The following SPATA20 variants were observed in gnomAD, a reference collection of about 807,000 sequenced individuals.
SPATA20 encodes spermatogenesis associated 20.
A neutral mutation model predicts 98.9 loss-of-function variants in SPATA20; 74 were observed. The observed-to-expected ratio is 0.75, with a 90% CI of 0.62 to 0.91. SPATA20 has a LOEUF of 0.91. Among genes scored for constraint, SPATA20 ranks in the 40% least tolerant of loss-of-function variants. SPATA20 has a pLI of 0.00. For missense variants in SPATA20, 1,016 were observed against 1,069.8 expected, an observed-to-expected ratio of 0.95 and a Z score of 0.70; for synonymous variants, 430 against 440.5, an observed-to-expected ratio of 0.98 and a Z score of 0.30.
Position 50,548,344 on chromosome 17 carries a change from G to C in SPATA20, c.187G>C (p.Ala63Pro), listed in dbSNP as rs774785522. 1.2e-6 allele frequency: 2 copies of C among 1,613,268 alleles called. No homozygotes were observed. The highest frequency in any genetic ancestry group is 1.7e-6 in the Non-Finnish European group (2 of 1,179,754). The change falls in exon 3 of 17, where the codon GCT (alanine) becomes CCT (proline). Residue 63 changes from alanine to proline, a missense_variant. Ala to Pro is a conservative substitution (Grantham distance 27). Coordinates refer to ENST00000006658, the MANE Select transcript of SPATA20 (RefSeq NM_022827.4). The part of the protein sequence containing the change: ...ATVSSSVPMP[A>P]GGKGSHPSST... ...GGTCAGTAGTTCAGTGCCCATGCCT[G>C]CTGGAGGGAAAGGAAGCCATCCTTC...
chr17:50,549,088 C>G lies in SPATA20; in HGVS notation c.562C>G (p.Pro188Ala). The G allele has an allele frequency of 6.2e-7, 1 of 1,613,644 alleles. No individual in the cohort carries two copies. The highest frequency in any genetic ancestry group is 8.5e-7 in the Non-Finnish European group (1 of 1,179,970). The change falls in exon 6 of 17, where the codon CCC (proline) becomes GCC (alanine). Residue 188 changes from proline to alanine, a missense_variant. Pro to Ala is a conservative substitution (Grantham distance 27). Transcript: ENST00000006658. The stretch of plus-strand genomic sequence containing the variant: ...CTGGCCCATGAATGTGTGGCTGACT[C>G]CCAACCTCCAGCCCTTTGTCGGGGG... The part of the protein sequence containing the change: ...GGWPMNVWLT[P>A]NLQPFVGGTY...
chr17:50,547,641 C>G lies in SPATA20; in HGVS notation c.78-79C>G, dbSNP rs1272093641. On this transcript the variant is annotated intron_variant, in intron 1 of 16. Coordinates refer to ENST00000006658, the MANE Select transcript of SPATA20 (RefSeq NM_022827.4). Reference sequence around the variant, plus strand: ...TGTGCCCTGTCACAGTCCTTTATTGCTGCATGGACCTTTCGTTATTTAGGT... The same window carrying G: ...TGTGCCCTGTCACAGTCCTTTATTGGTGCATGGACCTTTCGTTATTTAGGT... The G allele has an allele frequency of 3.9e-6, 3 of 776,696 alleles. No individual in the cohort carries two copies. The African/African-American group carries it at 5.1e-5, about 13-fold the overall frequency. 48.1% of individuals were successfully genotyped at this position (776,696 alleles called of 1,614,324 possible).
rs759228308 is a variant in SPATA20 at position 50,555,216 on chromosome 17, T to C, written c.2158-16T>C. 3 of 1,612,450 alleles carry C rather than the reference T, an allele frequency of 1.9e-6. No homozygotes were observed. The highest frequency in any genetic ancestry group is 1.7e-6 in the Non-Finnish European group (2 of 1,178,634). On this transcript the variant is annotated splice_polypyrimidine_tract_variant and intron_variant, in intron 15 of 16. Coordinates refer to ENST00000006658, the MANE Select transcript of SPATA20 (RefSeq NM_022827.4). Reference sequence around the variant, plus strand: ...CCTCCCCTGACACACCGGAGTGACCTTTCTATTCCGGTCAGATCGTGATCT... The same window carrying C: ...CCTCCCCTGACACACCGGAGTGACCCTTCTATTCCGGTCAGATCGTGATCT...
rs780703307 is a variant in SPATA20, at chr17:50,549,350, G to C, written c.725G>C (p.Arg242Pro). The change falls in exon 7 of 17, where the codon CGA becomes CCA. Residue 242 changes from arginine (R) to proline (P), a missense_variant. By Grantham distance (103) the Arg-to-Pro change is moderately radical. Coordinates refer to ENST00000006658, the MANE Select transcript of SPATA20 (RefSeq NM_022827.4). Reference sequence around the variant, plus strand: ...CGTGTCACCACTGCCCTGCTGGCCCGATCAGAGATCAGCGTGGGTGACCGC... The same window carrying C: ...CGTGTCACCACTGCCCTGCTGGCCCCATCAGAGATCAGCGTGGGTGACCGC... ...SQRVTTALLA[R>P]SEISVGDRQL... 2 of 1,612,490 alleles carry C rather than the reference G, an allele frequency of 1.2e-6. No individual in the cohort carries two copies. Among genetic ancestry groups the C allele is most frequent in the Middle Eastern group, 1.6e-4 (1 of 6,062 alleles).
chr17:50,551,203 A>G lies in SPATA20; in HGVS notation c.1576+13A>G, dbSNP rs748285145. Reference sequence around the variant, plus strand: ...GCTGCCTGGAATGGTGGGGCAGCACACCTGAGACCGAGCCTGTCTGTAGGA... The same window carrying G: ...GCTGCCTGGAATGGTGGGGCAGCACGCCTGAGACCGAGCCTGTCTGTAGGA... On this transcript the variant is annotated intron_variant, in intron 12 of 16. Coordinates refer to ENST00000006658, the MANE Select transcript of SPATA20 (RefSeq NM_022827.4). 3.1e-6 allele frequency: 5 copies of G among 1,598,118 alleles called. No individual in the cohort carries two copies. Among genetic ancestry groups the G allele is most frequent in the Non-Finnish European group, 4.3e-6 (5 of 1,172,078 alleles).
rs1290532736 is a variant in SPATA20 at position 50,551,007 on chromosome 17, G to T, written c.1393G>T (p.Gly465Trp). The T allele has an allele frequency of 1.2e-6, 2 of 1,613,316 alleles. No individual in the cohort carries two copies. The highest frequency in any genetic ancestry group is 1.7e-6 in the Non-Finnish European group (2 of 1,179,980). Residue 465 changes from glycine to tryptophan, a missense_variant, in exon 12 of 17, where the codon GGG (glycine) becomes TGG (tryptophan). Physicochemically the swap from Gly to Trp is radical, Grantham distance 184. Coordinates refer to ENST00000006658, the MANE Select transcript of SPATA20 (RefSeq NM_022827.4). Reference sequence around the variant, plus strand: ...AGGCCATTCTCCTCAGGACCCCAAGGGGGAGCTGCAGGGCCAGAATGTGCT... The same window carrying T: ...AGGCCATTCTCCTCAGGACCCCAAGTGGGAGCTGCAGGGCCAGAATGTGCT... ...GNISPSQDPK[G>W]ELQGQNVLTV...
At position 50,551,548 on chromosome 17, in the gene SPATA20, C is replaced by T; in HGVS notation, c.1614C>T (p.Val538=). Residue 538 remains valine (V), a synonymous_variant, in exon 13 of 17, where the codon GTC becomes GTT. Transcript: ENST00000006658. ...CAGGCTATGCTGTGACTGGGGCTGT[C>T]CTGGGCCAAGACAGGCTGATCAACT... ...MVSGYAVTGA[V]LGQDRLINYA... 1.2e-6 allele frequency: 2 copies of T among 1,603,274 alleles called. No individual in the cohort carries two copies. Among genetic ancestry groups the T allele is most frequent in the South Asian group, 1.1e-5 (1 of 90,872 alleles).
chr17:50,549,450 C>G lies in SPATA20; in HGVS notation c.825C>G (p.Tyr275Ter). The G allele has an allele frequency of 6.2e-7, 1 of 1,612,412 alleles. No homozygotes were observed. The highest frequency in any genetic ancestry group is 8.5e-7 in the Non-Finnish European group (1 of 1,179,966). ...TGGATGAGGGCTATGATGAGGAATA[C>G]GGTGGCTTCGCTGAGGCCCCCAAGT... ...QQLDEGYDEE[Y>*]GGFAEAPKFP... is the part of the protein sequence containing the mutation. Residue 275 changes from tyrosine (Y) to a stop codon, truncating the protein, a stop_gained, in exon 7 of 17, where the codon TAC (tyrosine) becomes TAG (stop). Transcript: ENST00000006658. LOFTEE classifies it high-confidence loss of function.
At chr17:50,551,228 A>G in intron 12 of SPATA20, 38 bp downstream of exon 12, 1 of 1,550,286 alleles carries the variant, frequency 6.5e-7, no homozygotes, top group Non-Finnish European at 8.8e-7. Context: ...TGTCTGTAGG[A>G]TCCCCCTTCA....
intron 1 of SPATA20, 87 bp from the exon 2 acceptor site, chr17:50,547,633 C>A (rs1368149968): frequency 1.3e-6 from 1 of 773,304 alleles, no homozygotes; most frequent in African/African-American, 1.7e-5. Flanking sequence ...TGTCACAGTC[C>A]TTTATTGCTG....
chr17:50,552,096 A>G lies in SPATA20; in HGVS notation c.1873A>G (p.Lys625Glu), dbSNP rs532975501. Residue 625 changes from lysine (K) to glutamate (E), a missense_variant, in exon 14 of 17, where the codon AAG (lysine) becomes GAG (glutamate). Transcript: ENST00000006658. ...WALRLQDTQD[K>E]LFWDSQGGGY... ...TCTGCGGCTGCAGGACACACAGGAC[A>G]AGCTCTTTTGGGACTCCCAGGGTGG... is the stretch of plus-strand genomic sequence containing the variant. 1 of 1,613,830 alleles carries G rather than the reference A, an allele frequency of 6.2e-7. No homozygotes were observed. The highest frequency in any genetic ancestry group is 1.3e-5 in the African/African-American group (1 of 75,064).
rs952439305 is a variant in SPATA20, at chr17:50,551,000, C to T, written c.1386C>T (p.Asp462=). The T allele has an allele frequency of 1.2e-6, 2 of 1,613,254 alleles. No homozygotes were observed. The highest frequency in any genetic ancestry group is 1.7e-6 in the Non-Finnish European group (2 of 1,179,956). Reference sequence around the variant, plus strand: ...CAGACAAAGGCCATTCTCCTCAGGACCCCAAGGGGGAGCTGCAGGGCCAGA... The same window carrying T: ...CAGACAAAGGCCATTCTCCTCAGGATCCCAAGGGGGAGCTGCAGGGCCAGA... ...TEAGNISPSQ[D]PKGELQGQNV... is the part of the protein sequence containing the mutation. Residue 462 remains aspartate (D), a splice_region_variant and synonymous_variant, in exon 12 of 17, where the codon GAC becomes GAT. Transcript: ENST00000006658.
chr17:50,549,157 C>G lies in SPATA20; in HGVS notation c.631C>G (p.Arg211Gly), dbSNP rs753560458. ...PEDGLTRVGF[R>G]TVLLRIREQW... Reference sequence around the variant, plus strand: ...GGATGGCTTGACCCGAGTCGGCTTCCGCACAGTGTTGCTGAGAATACGAGA... The same window carrying G: ...GGATGGCTTGACCCGAGTCGGCTTCGGCACAGTGTTGCTGAGAATACGAGA... The change falls in exon 6 of 17, where the codon CGC (arginine) becomes GGC (glycine). Residue 211 changes from arginine to glycine, a missense_variant. By Grantham distance (125) the Arg-to-Gly change is moderately radical. Coordinates refer to ENST00000006658, the MANE Select transcript of SPATA20 (RefSeq NM_022827.4). 1 of 1,606,782 alleles carries G rather than the reference C, an allele frequency of 6.2e-7. No individual in the cohort carries two copies. The highest frequency in any genetic ancestry group is 8.5e-7 in the Non-Finnish European group (1 of 1,175,974).
chr17:50,554,469 T>C lies in SPATA20; in HGVS notation c.2157+19T>C. 1 of 1,606,400 alleles carries C rather than the reference T, an allele frequency of 6.2e-7. No individual in the cohort carries two copies. The highest frequency in any genetic ancestry group is 8.5e-7 in the Non-Finnish European group (1 of 1,179,332). ...CAAGCAGGTGGGGGGTGAGGGCATCTGGGCTGGGACCTCGGGTAGGAGGGA... is the reference window on the plus strand; with the variant it reads ...CAAGCAGGTGGGGGGTGAGGGCATCCGGGCTGGGACCTCGGGTAGGAGGGA... On this transcript the variant is annotated intron_variant, in intron 15 of 16. Transcript: ENST00000006658.
chr17:50,548,843 TGGAA>T lies in SPATA20; in HGVS notation c.397_400del (p.Glu133ArgfsTer18). On this transcript the variant is annotated frameshift_variant, in exon 5 of 17. Transcript: ENST00000006658. LOFTEE classifies it high-confidence loss of function. Reference sequence around the variant, plus strand: ...TCCACCTGCCACTGGTGCCACATGATGGAAGAGGAGTCCTTCCAGAATGAGGAGA... The same window carrying T: ...TCCACCTGCCACTGGTGCCACATGATGAGGAGTCCTTCCAGAATGAGGAGA... The T allele has an allele frequency of 1.2e-6, 2 of 1,614,044 alleles. No homozygotes were observed. Among genetic ancestry groups the T allele is most frequent in the Non-Finnish European group, 1.7e-6 (2 of 1,179,958 alleles).
chr17:50,555,728 T>C lies in SPATA20; in HGVS notation c.*66T>C, dbSNP rs1597875904. 6.9e-7 allele frequency: 1 copy of C among 1,453,812 alleles called. No homozygotes were observed. Among genetic ancestry groups the C allele is most frequent in the Non-Finnish European group, 9.4e-7 (1 of 1,068,182 alleles). 90.1% of individuals were successfully genotyped at this position (1,453,812 alleles called of 1,614,324 possible). On this transcript the variant is annotated 3_prime_UTR_variant, in exon 17 of 17. Transcript: ENST00000006658. ...CCCAACTGACTAGAGACTCAGGCCC[T>C]GCAGGGCCCTATAGAACCTGTGGCC...
chr17:50,554,506 C>T (rs1161313367), intron 15 of SPATA20, 56 bp downstream of exon 15: 12 of 1,557,188 alleles, frequency 7.7e-6, no homozygotes, highest in East Asian at 4.5e-5. Flanking sequence ...GTTGGGGCTG[C>T]GATGGCAGAT....
intron 6 of SPATA20, 35 bp downstream of exon 6, chr17:50,549,221 G>A: frequency 6.3e-7 from 1 of 1,595,530 alleles, no homozygotes; most frequent in Non-Finnish European, 8.6e-7. Context: ...GGACCAGGGT[G>A]GGGGACTAGG....
intron 7 of SPATA20, among the ~76,000 whole-genome samples, 183 bp from the exon 8 acceptor site, chr17:50,549,802 T>A (rs1364670159): frequency 6.6e-6 from 1 of 152,204 alleles, no homozygotes; most frequent in African/African-American, 2.4e-5. Context: ...CCAATGATAT[T>A]CTGACCTCTG....
Sources: gnomAD v4.1 joint callset for allele counts (sites outside exome capture counted in the v4.1 genomes callset) on GRCh38, gnomAD v4.1.1 for gene constraint, MANE v1.5 for transcripts, NCBI Gene and HGNC (gene_info 2026-07-23, HGNC 2026-07-21) for gene names.